The following MPP7 variants were observed in gnomAD, a reference collection of about 807,000 sequenced individuals.
The protein encoded by MPP7 is MAGUK p55 subfamily member 7.
A neutral mutation model predicts 76.5 loss-of-function variants in MPP7; 60 were observed. The observed-to-expected ratio is 0.78, with a 90% CI of 0.64 to 0.97. MPP7 has a LOEUF of 0.97. MPP7 is among the 50% of genes least tolerant of loss of function. The pLI is 0.00. For synonymous variants in MPP7, 237 were observed against 244.5 expected (o/e 0.97, Z 0.29); for missense variants, 641 against 694.0 (o/e 0.92, Z 0.86).
intron 1 of MPP7, among the ~76,000 whole-genome samples, chr10:28,280,624 G>A (rs1239165795): frequency 6.6e-6 from 1 of 152,056 alleles, no homozygotes; most frequent in Non-Finnish European, 1.5e-5. Context: ...AAAAAAAATG[G>A]TGTGATTTCT....
intron 5 of MPP7, among the ~76,000 whole-genome samples, chr10:28,132,472 G>A (rs1212494241): frequency 5.9e-5 from 9 of 152,014 alleles, no homozygotes; most frequent in South Asian, 2.1e-4. Context: ...GCTCTGTTAC[G>A]CTGGCTGGAG....
At chr10:28,240,970 T>C (rs961494764) in intron 1 of MPP7, among the ~76,000 whole-genome samples, 1 of 152,138 alleles carries the variant, frequency 6.6e-6, no homozygotes, top group Non-Finnish European at 1.5e-5. Context: ...TGTATATATA[T>C]GTAATTTAAG....
At position 28,297,528 on chromosome 10, in the gene MPP7, A is replaced by G. The variant is rs1186838187; in HGVS notation, c.-132+5333T>C. On this transcript the variant is annotated intron_variant, in intron 1 of 16. Transcript: ENST00000683449. ...AGCCTGGTCAACAGAGTGAAACCCC[A>G]TCTCTACTAAAATATAAAAAATTAG... Among the ~76,000 whole-genome samples, 3 of 152,146 alleles carry G rather than the reference A, an allele frequency of 2.0e-5. No homozygotes were observed. In the East Asian group the frequency reaches 5.8e-4, roughly 29 times the overall value.
intron 12 of MPP7, among the ~76,000 whole-genome samples, chr10:28,083,994 G>C (rs1852887726): frequency 6.6e-6 from 1 of 152,142 alleles, no homozygotes; most frequent in South Asian, 2.1e-4. Context: ...CCTTATACCA[G>C]CAATTGCTCC....
rs1193668379 is a variant in MPP7 at position 28,053,848 on chromosome 10, A to G, written c.*217T>C. On this transcript the variant is annotated 3_prime_UTR_variant, in exon 17 of 17. Coordinates refer to ENST00000683449, the MANE Select transcript of MPP7 (RefSeq NM_001318170.2). The stretch of plus-strand genomic sequence containing the variant: ...AACGAGAAGGTTTGAGGTTTTGCTT[A>G]GAATACAGTACTGTGCATATTTTGA... 1 of 533,380 alleles carries G rather than the reference A, an allele frequency of 1.9e-6. No homozygotes were observed. Among genetic ancestry groups the G allele is most frequent in the Non-Finnish European group, 3.3e-6 (1 of 306,908 alleles). 33.0% of individuals were successfully genotyped at this position (533,380 alleles called of 1,614,324 possible). A position where few individuals can be genotyped will look rare whatever the true frequency, so the allele number is the denominator to read the frequency against.
rs531736030 is a variant in MPP7 at position 28,119,833 on chromosome 10, A to C, written c.888-118T>G. The C allele has an allele frequency of 7.5e-5, 54 of 723,946 alleles. No individual in the cohort carries two copies. The African/African-American group carries it at 8.7e-4, about 12-fold the overall frequency. 44.8% of individuals were successfully genotyped at this position (723,946 alleles called of 1,614,324 possible). On this transcript the variant is annotated intron_variant, in intron 10 of 16. Coordinates refer to ENST00000683449, the MANE Select transcript of MPP7 (RefSeq NM_001318170.2). ...AAGGTTAGAGAAAAAAATGAATGTA[A>C]TGCAATAGATTCAAATTAAGAAACA... is the stretch of plus-strand genomic sequence containing the variant.
chr10:28,290,286 CTT>C (rs57836658), intron 1 of MPP7, among the ~76,000 whole-genome samples: 195 of 131,790 alleles, frequency 1.5e-3, no homozygotes, highest in Middle Eastern at 4.2e-3. Flanking sequence ...TTTTACTTTC[CTT>C]TTTTTTTTTT....
chr10:28,119,586 C>A (rs1211068309), intron 11 of MPP7, 65 bp downstream of exon 11: 4 of 1,374,278 alleles, frequency 2.9e-6, no homozygotes, highest in Non-Finnish European at 4.1e-6. Flanking sequence ...CCATGAGCAC[C>A]TGCTTTAATA....
chr10:28,301,950 C>G (rs1841165561), intron 1 of MPP7, among the ~76,000 whole-genome samples: 1 of 152,176 alleles, frequency 6.6e-6, no homozygotes, highest in African/African-American at 2.4e-5. Flanking sequence ...ATAAGTAAAT[C>G]AAATTACGTA....
chr10:28,273,660 T>C (rs539071311), intron 1 of MPP7, among the ~76,000 whole-genome samples: 18 of 152,292 alleles, frequency 1.2e-4, no homozygotes, highest in African/African-American at 3.8e-4. Context: ...TTAAGGCAAA[T>C]TGCATCAAGA....
rs566056514 is a variant in MPP7, at chr10:28,232,010, A to C, written c.37+6558T>G. On this transcript the variant is annotated intron_variant, in intron 2 of 16. Coordinates refer to ENST00000683449, the MANE Select transcript of MPP7 (RefSeq NM_001318170.2). Reference sequence around the variant, plus strand: ...CCAGAAATATATAAAAAGGATAGTAAATTATGACCAAATTGGGTTTATCCC... The same window carrying C: ...CCAGAAATATATAAAAAGGATAGTACATTATGACCAAATTGGGTTTATCCC... Among the ~76,000 whole-genome samples, 19 of 152,332 alleles carry C rather than the reference A, an allele frequency of 1.2e-4. 1 individual carries two copies. The highest frequency in any genetic ancestry group is 2.4e-4 in the Non-Finnish European group (16 of 68,030).
intron 1 of MPP7, among the ~76,000 whole-genome samples, chr10:28,249,608 C>G (rs750868688): frequency 1.3e-5 from 2 of 152,108 alleles, no homozygotes; most frequent in Non-Finnish European, 2.9e-5. Context: ...TCATATGTGC[C>G]CAGTCCCCTT....
intron 2 of MPP7, among the ~76,000 whole-genome samples, chr10:28,209,520 T>C (rs1227957561): frequency 3.9e-5 from 6 of 152,032 alleles, no homozygotes; most frequent in African/African-American, 9.7e-5. Flanking sequence ...GAGAGGAATA[T>C]TGTCTTTCTG....
At chr10:28,097,710 A>C (rs1458221361) in intron 11 of MPP7, among the ~76,000 whole-genome samples, 1 of 152,218 alleles carries the variant, frequency 6.6e-6, no homozygotes, top group Non-Finnish European at 1.5e-5. Flanking sequence ...TTAGGGATTA[A>C]AAACATAATT....
At chr10:28,063,585 G>A (rs935601971) in intron 13 of MPP7, among the ~76,000 whole-genome samples, 1 of 151,706 alleles carries the variant, frequency 6.6e-6, no homozygotes, top group Non-Finnish European at 1.5e-5. Context: ...GAAGGTGAGC[G>A]ACAGGCAGGC....
intron 1 of MPP7, among the ~76,000 whole-genome samples, chr10:28,276,638 T>C (rs1025295915): frequency 6.6e-6 from 1 of 152,002 alleles, no homozygotes; most frequent in African/African-American, 2.4e-5. Flanking sequence ...GCATCACACA[T>C]GGGTGCGTTT....
At chr10:28,289,808 G>A (rs906284227) in intron 1 of MPP7, among the ~76,000 whole-genome samples, 5 of 152,042 alleles carry the variant, frequency 3.3e-5, no homozygotes, top group East Asian at 1.9e-4. Context: ...CAAAAAGGCC[G>A]AAACATTGAT....
In MPP7 at chr10:28,329,270, G is replaced by A. The variant is rs572858830; in HGVS notation, c.-132+659C>T. On this transcript the variant is annotated intron_variant, in intron 2 of 11. Coordinates refer to the MPP7 transcript ENST00000441595. ...TTTCTGGTTTGTTGTTGTAACTGAG[G>A]GAATGCTGTCTCTCTTACTTGATAT... Among the ~76,000 whole-genome samples, 4 of 152,168 alleles carry A rather than the reference G, an allele frequency of 2.6e-5. No individual in the cohort carries two copies. The East Asian group carries it at 5.8e-4, about 22-fold the overall frequency.
intron 3 of MPP7, among the ~76,000 whole-genome samples, chr10:28,152,390 A>G (rs1835912905): frequency 6.6e-6 from 1 of 152,216 alleles, no homozygotes; most frequent in Non-Finnish European, 1.5e-5. Context: ...AATAATTTTG[A>G]GCTGTTCACT....
Sources: allele counts gnomAD v4.1 joint callset (sites outside exome capture counted in the v4.1 genomes callset), GRCh38; gene constraint gnomAD v4.1.1; transcripts MANE v1.5; gene names NCBI Gene and HGNC (gene_info 2026-07-23, HGNC 2026-07-21).